The following MGAM variants were observed in gnomAD, a reference collection of about 807,000 sequenced individuals.
MGAM encodes maltase-glucoamylase.
MGAM carries 253 observed loss-of-function variants against 358.8 expected under a neutral mutation model. That is an observed-to-expected ratio of 0.71 (90% CI 0.64 to 0.78). MGAM has a LOEUF of 0.78. MGAM is among the 30% of genes least tolerant of loss of function. The pLI is 0.00. For synonymous variants in MGAM, 1,105 were observed against 1,227.1 expected, an observed-to-expected ratio of 0.90 and a Z score of 2.08; for missense variants, 3,080 against 3,432.6, an observed-to-expected ratio of 0.90 and a Z score of 2.57.
chr7:142,023,446 TAC>T (rs1252779809), intron 7 of MGAM, among the ~76,000 whole-genome samples: 10 of 150,754 alleles, frequency 6.6e-5, no homozygotes, highest in African/African-American at 9.8e-5. Context: ...TATATATATA[TAC>T]ACACACACAC....
At chr7:142,041,984 TATAA>T (rs1808764766) in intron 21 of MGAM, among the ~76,000 whole-genome samples, 1 of 55,104 alleles carries the variant, frequency 1.8e-5, no homozygotes, top group Non-Finnish European at 2.9e-5. Context: ...ATATATATAA[TATAA>T]TATATATATA....
Position 142,099,720 on chromosome 7 carries a change from A to G in MGAM, c.7857A>G (p.Ala2619=). 1 of 1,614,004 alleles carries G rather than the reference A, an allele frequency of 6.2e-7. No homozygotes were observed. The highest frequency in any genetic ancestry group is 8.5e-7 in the Non-Finnish European group (1 of 1,179,886). The change falls in exon 67 of 71, where the codon GCA becomes GCG. Residue 2619 remains alanine, a synonymous_variant. Coordinates refer to ENST00000475668, the MANE Select transcript of MGAM (RefSeq NM_001365693.1). ...ACATCCTGCCCTGGCAAGAGCCTGC[A>G]CTGAACACCCACTTAAGGTAAGTGA... ...GGYILPWQEP[A]LNTHLSRQKF... is the part of the protein sequence containing the mutation.
rs782740254 is a variant in MGAM, at chr7:142,030,406, C to T, written c.1266C>T (p.Asp422=). The T allele has an allele frequency of 5.6e-6, 9 of 1,613,306 alleles. No homozygotes were observed. The East Asian group carries it at 1.6e-4, about 28-fold the overall frequency. ...TTGATTATATGGATGAGAGAAGGGA[C>T]TTCACTTATGATTCAGTGGATTTTA... ...ADIDYMDERR[D]FTYDSVDFKG... Residue 422 remains aspartate, a synonymous_variant, in exon 11 of 71, where the codon GAC becomes GAT. Transcript: ENST00000475668.
chr7:142,078,720 T>C (rs1403532231), intron 48 of MGAM, 88 bp from the exon 49 acceptor site: 2 of 1,313,486 alleles, frequency 1.5e-6, no homozygotes, highest in East Asian at 2.3e-5. Context: ...TTTATTGTCA[T>C]ATAAAATGAC....
At chr7:142,078,094 A>T (rs1813894882) in intron 47 of MGAM, among the ~76,000 whole-genome samples, 2 of 146,002 alleles carry the variant, frequency 1.4e-5, no homozygotes, top group Non-Finnish European at 3.1e-5. Flanking sequence ...TATGCTATGT[A>T]CAAGATTCTG....
At chr7:142,090,984 T>C (rs77727375) in intron 57 of MGAM, among the ~76,000 whole-genome samples, 1,465 of 146,416 alleles carry the variant, frequency 0.01, 68 homozygotes, top group African/African-American at 0.034. Context: ...TGGTGTCTCA[T>C]GCCTGTTATC....
chr7:142,095,831 G>A, intron 64 of MGAM, 118 bp downstream of exon 64: 1 of 1,443,722 alleles, frequency 6.9e-7, no homozygotes, highest in Non-Finnish European at 9.4e-7. Context: ...CTCTTCAGGT[G>A]CAGACCATAC....
At chr7:142,082,949 C>T (rs1585077820) in intron 52 of MGAM, among the ~76,000 whole-genome samples, 3 of 146,072 alleles carry the variant, frequency 2.1e-5, no homozygotes, top group East Asian at 2.0e-4. Flanking sequence ...TCGGGTACTA[C>T]GTTTGCTATC....
rs371991251 is a variant in MGAM, at chr7:142,084,843, T to TA, written c.6507+200dup. On this transcript the variant is annotated intron_variant, in intron 54 of 70. Coordinates refer to ENST00000475668, the MANE Select transcript of MGAM (RefSeq NM_001365693.1). The stretch of plus-strand genomic sequence containing the variant: ...CTTCTAGAGATGATAGCTCAAGACT[T>TA]ACTGTGATTTCCCAGAGGGGGAGAT... 4.6e-4 allele frequency among the ~76,000 whole-genome samples: 67 copies of TA among 146,734 alleles called. 2 individuals carry two copies. The highest frequency in any genetic ancestry group is 1.6e-3 in the African/African-American group (64 of 41,256).
At chr7:142,105,548 G>A (rs4410826) in intron 70 of MGAM, among the ~76,000 whole-genome samples, 133,102 of 152,202 alleles carry the variant, frequency 0.87, 58,670 homozygotes, top group Middle Eastern at 0.94. Context: ...TGGGCCTCCC[G>A]GAGTGTTGGG....
At chr7:142,012,013 C>T (rs1805638679) in intron 3 of MGAM, among the ~76,000 whole-genome samples, 1 of 152,180 alleles carries the variant, frequency 6.6e-6, no homozygotes, top group Non-Finnish European at 1.5e-5. Context: ...TTAGTTCAAA[C>T]TTGCTGCACA....
intron 20 of MGAM, chr7:142,040,426 TGGA>T: frequency 1.7e-6 from 1 of 583,066 alleles, no homozygotes; most frequent in South Asian, 2.3e-5. Context: ...AAATTAATAT[TGGA>T]GGAACTGATG....
chr7:142,047,712 T>G, intron 21 of MGAM, 73 bp from the exon 22 acceptor site: 4 of 1,386,590 alleles, frequency 2.9e-6, no homozygotes, highest in Non-Finnish European at 4.1e-6. Context: ...TGAAATTTGA[T>G]GGAAATATTC....
intron 57 of MGAM, among the ~76,000 whole-genome samples, chr7:142,091,289 T>C (rs551492423): frequency 6.9e-6 from 1 of 145,098 alleles, no homozygotes; most frequent in Admixed American, 6.9e-5. Flanking sequence ...TAACCCATCT[T>C]GCAGGTTAAA....
At chr7:142,096,703 TAGA>T (rs995959307) in intron 65 of MGAM, among the ~76,000 whole-genome samples, 2 of 152,184 alleles carry the variant, frequency 1.3e-5, no homozygotes, top group Non-Finnish European at 2.9e-5. Flanking sequence ...AAATAAGGAA[TAGA>T]AGATCAGATG....
rs551712403 is a variant in MGAM at position 142,050,671 on chromosome 7, C to T, written c.2638-26C>T. 20 of 1,599,590 alleles carry T rather than the reference C, an allele frequency of 1.3e-5. No homozygotes were observed. The South Asian group carries it at 1.3e-4, about 11-fold the overall frequency. ...CTGTGTATACTCATATACCTTTATGCATACTTGGACTTAATTGTTTTGCAG... is the reference window on the plus strand; with the variant it reads ...CTGTGTATACTCATATACCTTTATGTATACTTGGACTTAATTGTTTTGCAG... On this transcript the variant is annotated intron_variant, in intron 23 of 70. Transcript: ENST00000475668.
intron 3 of MGAM, among the ~76,000 whole-genome samples, chr7:142,018,824 A>G (rs1806173552): frequency 6.6e-6 from 1 of 152,220 alleles, no homozygotes. Flanking sequence ...ATGATTGCAA[A>G]GTCTTATTTT....
In MGAM at chr7:142,091,926, A is replaced by T. The variant is rs1412018521; in HGVS notation, c.6824A>T (p.Tyr2275Phe). ...WDSQVELYRAYVAFPDFFRNS... is the reference protein window; with the variant it reads ...WDSQVELYRAFVAFPDFFRNS... Reference sequence around the variant, plus strand: ...TCTTTTTTATAGCTATATCGAGCTTATGTGGCCTTCCCAGACTTTTTCCGT... The same window carrying T: ...TCTTTTTTATAGCTATATCGAGCTTTTGTGGCCTTCCCAGACTTTTTCCGT... The change falls in exon 58 of 71, where the codon TAT becomes TTT. Residue 2275 changes from tyrosine (Y) to phenylalanine (F), a missense_variant. By Grantham distance (22) the Tyr-to-Phe change is conservative. Coordinates refer to ENST00000475668, the MANE Select transcript of MGAM (RefSeq NM_001365693.1). 2 of 1,506,690 alleles carry T rather than the reference A, an allele frequency of 1.3e-6. No individual in the cohort carries two copies. Among genetic ancestry groups the T allele is most frequent in the South Asian group, 2.4e-5 (2 of 84,178 alleles). The allele number at this position is 1,506,690 out of a possible 1,614,324, so 93.3% of individuals were successfully genotyped here.
intron 53 of MGAM, 90 bp downstream of exon 53, chr7:142,083,503 A>G: frequency 1.1e-6 from 1 of 923,354 alleles, no homozygotes; most frequent in Non-Finnish European, 1.6e-6. Context: ...CTCAGATGAT[A>G]ACTGGAATTA....
Sources: gnomAD v4.1 joint callset for allele counts (sites outside exome capture counted in the v4.1 genomes callset) on GRCh38, gnomAD v4.1.1 for gene constraint, MANE v1.5 for transcripts, NCBI Gene and HGNC (gene_info 2026-07-23, HGNC 2026-07-21) for gene names.